LRP2: variants seen among roughly 807,000 people sequenced by gnomAD.
The protein encoded by LRP2 is LDL receptor related protein 2, also known as low-density lipoprotein receptor-related protein 2.
In LRP2, 172 loss-of-function variants were observed where a neutral mutation model predicts 531.0. That is an observed-to-expected ratio of 0.32 (90% CI 0.29 to 0.37). The LOEUF is 0.37. Among genes scored for constraint, LRP2 ranks in the 10% least tolerant of loss-of-function variants. The probability of loss-of-function intolerance (pLI) is 1.00; values close to 1 mark genes in which losing one functional copy is unlikely to be tolerated. For synonymous variants in LRP2, 1,992 were observed against 2,027.6 expected (o/e 0.98, Z 0.47); for missense variants, 5,167 against 5,868.3 (o/e 0.88, Z 3.90).
intron 53 of LRP2, among the ~76,000 whole-genome samples, chr2:169,177,039 C>T (rs1446060499): frequency 1.3e-5 from 2 of 152,134 alleles, no homozygotes; most frequent in African/African-American, 2.4e-5. Context: ...TCCTGGTCAC[C>T]ACTTTGAGGT....
intron 58 of LRP2, among the ~76,000 whole-genome samples, 170 bp from the exon 59 acceptor site, chr2:169,170,837 T>A (rs1331108719): frequency 3.9e-5 from 6 of 151,960 alleles, no homozygotes; most frequent in Admixed American, 3.9e-4. Flanking sequence ...TTCACCTTAA[T>A]TTTGAGTCTG....
Position 169,156,407 on chromosome 2 carries a change from T to C in LRP2, c.12020-2A>G, listed in dbSNP as rs1191328193. 1.2e-6 allele frequency: 2 copies of C among 1,613,416 alleles called. No individual in the cohort carries two copies. Among genetic ancestry groups the C allele is most frequent in the Non-Finnish European group, 1.7e-6 (2 of 1,179,452 alleles). ...CAAATTGTTCACATTCATTGATATC[T>C]GTAGGCAAAATAAAACCAAATACGC... On this transcript the variant is annotated splice_acceptor_variant, in intron 64 of 78. Transcript: ENST00000649046. LOFTEE classifies it high-confidence loss of function.
Position 169,216,234 on chromosome 2 carries a change from A to G in LRP2, c.5826+19T>C. ...ACCAGCTCAGCATAAAGACCAAAAG[A>G]CTGAAAGGGTGCTCATACCACTCCT... is the stretch of plus-strand genomic sequence containing the variant. On this transcript the variant is annotated intron_variant, in intron 35 of 78. Transcript: ENST00000649046. The G allele has an allele frequency of 6.2e-7, 1 of 1,612,780 alleles. No individual in the cohort carries two copies. The highest frequency in any genetic ancestry group is 8.5e-7 in the Non-Finnish European group (1 of 1,179,256).
intron 66 of LRP2, 68 bp from the exon 67 acceptor site, chr2:169,153,032 A>G: frequency 6.9e-7 from 1 of 1,447,198 alleles, no homozygotes; most frequent in Non-Finnish European, 9.7e-7. Flanking sequence ...CAGGGGTCTA[A>G]TCAGGTGAAG....
chr2:169,191,960 C>G lies in LRP2; in HGVS notation c.8904G>C (p.Gln2968His). Residue 2968 changes from glutamine (Q) to histidine (H), a missense_variant, in exon 48 of 79, where the codon CAG (glutamine) becomes CAC (histidine). By Grantham distance (24) the Gln-to-His change is conservative. This residue lies in a region of LRP2 where 1,129 missense variants were observed against 1,362.7 expected (regional missense o/e 0.83). Coordinates refer to ENST00000649046, the MANE Select transcript of LRP2 (RefSeq NM_004525.3). The stretch of plus-strand genomic sequence containing the variant: ...CCACATCGCCATCACAGACCCAAGA[C>G]TGGGGAATGCACCTCCTGTCCGGAG... ...DRPPDRRCIP[Q>H]SWVCDGDVDC... 6.2e-7 allele frequency: 1 copy of G among 1,614,156 alleles called. No individual in the cohort carries two copies. The highest frequency in any genetic ancestry group is 8.5e-7 in the Non-Finnish European group (1 of 1,180,012).
At chr2:169,325,059 CAA>C (rs5836231) in intron 1 of LRP2, among the ~76,000 whole-genome samples, 229 of 75,714 alleles carry the variant, frequency 3.0e-3, no homozygotes, top group South Asian at 5.4e-3. Context: ...AAGTTTTTTT[CAA>C]AAAAAAAAAA....
intron 24 of LRP2, among the ~76,000 whole-genome samples, chr2:169,241,807 C>G (rs533192862): frequency 6.6e-6 from 1 of 152,262 alleles, no homozygotes; most frequent in East Asian, 1.9e-4. Context: ...ATTATTTTCC[C>G]TCAGATGAAC....
intron 70 of LRP2, among the ~76,000 whole-genome samples, chr2:169,143,625 G>A (rs1164978548): frequency 6.6e-6 from 1 of 152,116 alleles, no homozygotes; most frequent in Non-Finnish European, 1.5e-5. Flanking sequence ...CAGCCAGGGC[G>A]ACAGAGCAAG....
In LRP2 at chr2:169,212,078, G is replaced by A. The variant is rs1023230634; in HGVS notation, c.6170C>T (p.Ser2057Phe). ...TGFKLNPDNR[S>F]CSPYNSFIVV... ...AATGAAAGAGTTATATGGAGAGCAG[G>A]ACCGATTATCAGGATTGAGTTTAAA... The change falls in exon 37 of 79, where the codon TCC (serine) becomes TTC (phenylalanine). Residue 2057 changes from serine (S) to phenylalanine (F), a missense_variant. By Grantham distance (155) the Ser-to-Phe change is radical. This residue lies in a region of LRP2 where 2,811 missense variants were observed against 3,058.0 expected (regional missense o/e 0.92). Coordinates refer to ENST00000649046, the MANE Select transcript of LRP2 (RefSeq NM_004525.3). 1.2e-6 allele frequency: 2 copies of A among 1,614,026 alleles called. No individual in the cohort carries two copies. The highest frequency in any genetic ancestry group is 1.7e-5 in the Admixed American group (1 of 59,998).
chr2:169,129,137 G>A, intron 77 of LRP2, 53 bp from the exon 78 acceptor site: 1 of 1,286,588 alleles, frequency 7.8e-7, no homozygotes, highest in Non-Finnish European at 1.1e-6. Flanking sequence ...TATTTTGTGG[G>A]TTTCTTTTCC....
chr2:169,312,193 C>T (rs1684617802), intron 3 of LRP2, among the ~76,000 whole-genome samples: 1 of 151,832 alleles, frequency 6.6e-6, no homozygotes, highest in African/African-American at 2.4e-5. Context: ...GAGCATTTAG[C>T]CCATTTACAT....
chr2:169,211,163 G>A (rs1688578442), intron 37 of LRP2, among the ~76,000 whole-genome samples: 1 of 152,132 alleles, frequency 6.6e-6, no homozygotes, highest in Non-Finnish European at 1.5e-5. Flanking sequence ...GTGTGGGACT[G>A]GAAGCTCTCT....
intron 3 of LRP2, among the ~76,000 whole-genome samples, chr2:169,314,671 C>G (rs1684711213): frequency 1.3e-5 from 2 of 152,170 alleles, no homozygotes; most frequent in South Asian, 4.1e-4. Context: ...CAGCCTACTT[C>G]TAACACTAAA....
At chr2:169,173,323 A>AT in intron 56 of LRP2, 99 bp from the exon 57 acceptor site, 1 of 1,471,480 alleles carries the variant, frequency 6.8e-7, no homozygotes, top group Non-Finnish European at 9.4e-7. Context: ...AACAATGACC[A>AT]TGTTACCAAG....
rs73971317 is a variant in LRP2 at position 169,201,496 on chromosome 2, C to A, written c.8452+132G>T. On this transcript the variant is annotated intron_variant, in intron 44 of 78. Coordinates refer to ENST00000649046, the MANE Select transcript of LRP2 (RefSeq NM_004525.3). ...GTTGATACTTGCTACCGCGCCTAGC[C>A]AAAAATTTACGTTTTAGATAAATAC... 2.9e-4 allele frequency: 370 copies of A among 1,283,910 alleles called. No homozygotes were observed. The African/African-American group carries it at 5.0e-3, about 17-fold the overall frequency. 79.5% of individuals were successfully genotyped at this position (1,283,910 alleles called of 1,614,324 possible). A position where few individuals can be genotyped will look rare whatever the true frequency, so the allele number is the denominator to read the frequency against.
At chr2:169,324,827 C>T (rs1351428052) in intron 1 of LRP2, among the ~76,000 whole-genome samples, 1 of 152,120 alleles carries the variant, frequency 6.6e-6, no homozygotes, top group African/African-American at 2.4e-5. Context: ...GTGTCATTTA[C>T]AGCCTCTGGC....
At chr2:169,274,493 C>CT (rs1559051950) in intron 14 of LRP2, among the ~76,000 whole-genome samples, 2 of 152,170 alleles carry the variant, frequency 1.3e-5, no homozygotes, top group South Asian at 2.1e-4. Flanking sequence ...CAAAATATTT[C>CT]TTTTTTTAAA....
At chr2:169,133,780 G>A (rs541702161) in intron 76 of LRP2, among the ~76,000 whole-genome samples, 2 of 152,042 alleles carry the variant, frequency 1.3e-5, no homozygotes, top group Non-Finnish European at 2.9e-5. Context: ...TAAAGATGAC[G>A]GACTGAATCT....
chr2:169,199,988 C>T (rs538019605), intron 44 of LRP2, among the ~76,000 whole-genome samples: 7 of 152,264 alleles, frequency 4.6e-5, no homozygotes, highest in South Asian at 2.1e-4. Context: ...CAGTGGCTCA[C>T]GCCTGTAATC....
Sources: allele counts gnomAD v4.1 joint callset (sites outside exome capture counted in the v4.1 genomes callset), GRCh38; gene constraint gnomAD v4.1.1; regional missense constraint gnomAD v4.1.1; transcripts MANE v1.5; gene names NCBI Gene and HGNC (gene_info 2026-07-23, HGNC 2026-07-21).